SH3BGRL2: variants seen among roughly 807,000 people sequenced by gnomAD.
SH3BGRL2 encodes SH3 domain-binding glutamic acid-rich-like protein 2.
Under a neutral mutation model 14.8 loss-of-function variants are expected in SH3BGRL2, and 21 were observed. The ratio of observed to expected loss-of-function variants is 1.42; its 90% CI spans 1.01 to 2.05. The LOEUF is 2.05. Ranked by LOEUF, SH3BGRL2 falls within the 30% of genes most tolerant of loss-of-function variation. The pLI is 0.00. For missense variants in SH3BGRL2, 147 were observed against 130.8 expected, an observed-to-expected ratio of 1.12 and a Z score of -0.61; for synonymous variants, 50 against 47.8, an observed-to-expected ratio of 1.05 and a Z score of -0.19.
the SH3BGRL2 span, among the ~76,000 whole-genome samples, chr6:79,581,961 A>C: frequency 1.3e-5 from 2 of 152,334 alleles, no homozygotes; most frequent in South Asian, 4.1e-4. Context: ...ATCAATGTGC[A>C]AAAATCACAA....
chr6:79,549,171 G>T, the SH3BGRL2 span, among the ~76,000 whole-genome samples: 1 of 152,150 alleles, frequency 6.6e-6, no homozygotes, highest in African/African-American at 2.4e-5. Context: ...TGAGGGGCAT[G>T]GAATGAAGAC....
chr6:79,649,605 T>A (rs1405899262), intron 1 of SH3BGRL2, among the ~76,000 whole-genome samples: 1 of 152,138 alleles, frequency 6.6e-6, no homozygotes, highest in East Asian at 1.9e-4. Context: ...TCTTTTCCCA[T>A]CATCCTAGGA....
At chr6:79,604,998 T>C in the SH3BGRL2 span, among the ~76,000 whole-genome samples, 2 of 152,214 alleles carry the variant, frequency 1.3e-5, no homozygotes, top group Non-Finnish European at 2.9e-5. Context: ...TGCAAGGTGA[T>C]TTTGCCACTT....
At chr6:79,599,372 CTT>C in the SH3BGRL2 span, among the ~76,000 whole-genome samples, 11,940 of 133,434 alleles carry the variant, frequency 0.089, 517 homozygotes, top group Non-Finnish European at 0.12. Flanking sequence ...TATAACAGAT[CTT>C]TTTTTTTTTT....
the SH3BGRL2 span, among the ~76,000 whole-genome samples, chr6:79,547,054 C>G: frequency 6.6e-6 from 1 of 152,146 alleles, no homozygotes; most frequent in African/African-American, 2.4e-5. Flanking sequence ...GAGAGTTTCC[C>G]GTTGTTCATG....
At chr6:79,650,516 A>C (rs2127726263) in intron 1 of SH3BGRL2, among the ~76,000 whole-genome samples, 1 of 152,330 alleles carries the variant, frequency 6.6e-6, no homozygotes, top group South Asian at 2.1e-4. Flanking sequence ...ACATGGCACC[A>C]GCATCTGCTT....
intron 2 of SH3BGRL2, among the ~76,000 whole-genome samples, chr6:79,682,039 G>C (rs577559611): frequency 6.6e-6 from 1 of 151,680 alleles, no homozygotes; most frequent in African/African-American, 2.4e-5. Flanking sequence ...TATTTTAAGT[G>C]CCCACACACA....
At position 79,659,375 on chromosome 6, in the gene SH3BGRL2, C is replaced by A. The variant is rs551077917; in HGVS notation, c.46-14239C>A. On this transcript the variant is annotated intron_variant, in intron 1 of 3. Transcript: ENST00000369838. ...ACATATGGCTAGCCAGTTTTCCCAGCACCATTTATAAAATAGGGAATCCTT... is the reference window on the plus strand; with the variant it reads ...ACATATGGCTAGCCAGTTTTCCCAGAACCATTTATAAAATAGGGAATCCTT... Among the ~76,000 whole-genome samples, 9 of 152,290 alleles carry A rather than the reference C, an allele frequency of 5.9e-5. No individual in the cohort carries two copies. The East Asian group carries it at 1.7e-3, about 29-fold the overall frequency.
chr6:79,691,745 T>C (rs1426144178), intron 2 of SH3BGRL2, among the ~76,000 whole-genome samples: 2 of 151,146 alleles, frequency 1.3e-5, no homozygotes, highest in Non-Finnish European at 3.0e-5. Flanking sequence ...TTTCTTAATC[T>C]AGTCTATCAT....
At chr6:79,681,459 G>A (rs988437565) in intron 2 of SH3BGRL2, among the ~76,000 whole-genome samples, 1 of 152,090 alleles carries the variant, frequency 6.6e-6, no homozygotes, top group African/African-American at 2.4e-5. Flanking sequence ...CCCCCATATT[G>A]CCTTGGTTAA....
intron 1 of SH3BGRL2, among the ~76,000 whole-genome samples, chr6:79,661,258 G>A (rs1485840128): frequency 6.6e-6 from 1 of 152,124 alleles, no homozygotes; most frequent in Non-Finnish European, 1.5e-5. Context: ...GCTTTCTCCT[G>A]TGGGCATTTA....
the SH3BGRL2 span, among the ~76,000 whole-genome samples, chr6:79,604,108 C>G: frequency 6.6e-6 from 1 of 152,060 alleles, no homozygotes; most frequent in Non-Finnish European, 1.5e-5. Flanking sequence ...CCTGGCCTGA[C>G]CACTTTTCAA....
chr6:79,609,726 G>T, the SH3BGRL2 span, among the ~76,000 whole-genome samples: 1 of 152,158 alleles, frequency 6.6e-6, no homozygotes, highest in Admixed American at 6.5e-5. Flanking sequence ...CCCATTAGCT[G>T]TCAGGATTCC....
intron 2 of SH3BGRL2, among the ~76,000 whole-genome samples, chr6:79,695,250 G>C (rs1430909007): frequency 6.6e-6 from 1 of 152,166 alleles, no homozygotes; most frequent in Non-Finnish European, 1.5e-5. Context: ...GGTCAAGGAA[G>C]GCCTTTCTTT....
intron 2 of SH3BGRL2, among the ~76,000 whole-genome samples, chr6:79,678,495 A>G (rs1241295668): frequency 6.6e-6 from 1 of 152,130 alleles, no homozygotes; most frequent in African/African-American, 2.4e-5. Flanking sequence ...ATAATATTCC[A>G]TTGTATGTAT....
At chr6:79,634,260 T>G (rs919792666) in intron 1 of SH3BGRL2, among the ~76,000 whole-genome samples, 13 of 152,232 alleles carry the variant, frequency 8.5e-5, no homozygotes, top group Admixed American at 3.3e-4. Context: ...GATTCCTCTT[T>G]TGTCTTCCCT....
intron 1 of SH3BGRL2, among the ~76,000 whole-genome samples, chr6:79,633,253 C>T (rs1383423493): frequency 2.6e-5 from 4 of 152,146 alleles, no homozygotes; most frequent in African/African-American, 9.7e-5. Flanking sequence ...TAAGGTACCT[C>T]ATCTCTGCCT....
the SH3BGRL2 span, among the ~76,000 whole-genome samples, chr6:79,580,209 A>T: frequency 4.6e-5 from 7 of 152,332 alleles, 1 homozygote; most frequent in South Asian, 1.0e-3. Context: ...GGAGACTTTA[A>T]CACCCCACTG....
At chr6:79,671,966 T>TACTA (rs1242171727) in intron 1 of SH3BGRL2, among the ~76,000 whole-genome samples, 1 of 152,248 alleles carries the variant, frequency 6.6e-6, no homozygotes, top group Non-Finnish European at 1.5e-5. Context: ...TTGCTATTAG[T>TACTA]ACTAGCTAAT....
Sources: gnomAD v4.1 joint callset for allele counts (sites outside exome capture counted in the v4.1 genomes callset) on GRCh38, gnomAD v4.1.1 for gene constraint, MANE v1.5 for transcripts, NCBI Gene and HGNC (gene_info 2026-07-23, HGNC 2026-07-21) for gene names.